The following TMEM132D variants were observed in gnomAD, a reference collection of about 807,000 sequenced individuals.
The protein encoded by TMEM132D is mature OL transmembrane protein.
Under a neutral mutation model 62.3 loss-of-function variants are expected in TMEM132D, and 21 were observed. The observed-to-expected ratio is 0.34, with a 90% CI of 0.24 to 0.49. TMEM132D has a LOEUF of 0.49. Among genes scored for constraint, TMEM132D ranks in the 20% least tolerant of loss-of-function variants. The pLI is 0.99. For synonymous variants in TMEM132D, 621 were observed against 575.6 expected (o/e 1.08, Z -1.13); for missense variants, 1,346 against 1,402.8 (o/e 0.96, Z 0.65).
In TMEM132D at chr12:129,901,171, A is replaced by G. The variant is rs531366980; in HGVS notation, c.79+2090T>C. On this transcript the variant is annotated intron_variant, in intron 1 of 8. Coordinates refer to ENST00000422113, the MANE Select transcript of TMEM132D (RefSeq NM_133448.3). The stretch of plus-strand genomic sequence containing the variant: ...ATGAGGCACTTTGGGGTATGTGTGT[A>G]TGTGTGTGTGTCTGTGTGTTTACTT... 3.3e-5 allele frequency among the ~76,000 whole-genome samples: 5 copies of G among 152,178 alleles called. No individual in the cohort carries two copies. In the East Asian group the frequency reaches 9.7e-4, roughly 29 times the overall value.
At chr12:129,614,407 C>T (rs188202114) in intron 2 of TMEM132D, among the ~76,000 whole-genome samples, 1 of 152,294 alleles carries the variant, frequency 6.6e-6, no homozygotes, top group African/African-American at 2.4e-5. Flanking sequence ...AACTCTTAGT[C>T]ATGAATGGCC....
intron 1 of TMEM132D, among the ~76,000 whole-genome samples, chr12:129,861,332 TG>T (rs1172904804): frequency 1.3e-5 from 2 of 152,206 alleles, no homozygotes; most frequent in Non-Finnish European, 2.9e-5. Flanking sequence ...AAGCTAACTT[TG>T]GGAGAAATTT....
chr12:129,128,141 C>G (rs1387872384), intron 5 of TMEM132D, among the ~76,000 whole-genome samples: 1 of 152,178 alleles, frequency 6.6e-6, no homozygotes, highest in Non-Finnish European at 1.5e-5. Context: ...GAGTTCACAA[C>G]TCTAGGCAAC....
intron 1 of TMEM132D, among the ~76,000 whole-genome samples, chr12:129,889,276 C>T (rs1874845210): frequency 1.3e-5 from 2 of 152,152 alleles, no homozygotes; most frequent in Admixed American, 6.5e-5. Context: ...TGTTCTTCTA[C>T]GTTCCCCAGT....
chr12:129,630,241 T>G (rs1035854803), intron 2 of TMEM132D, among the ~76,000 whole-genome samples: 7 of 152,172 alleles, frequency 4.6e-5, no homozygotes, highest in Non-Finnish European at 8.8e-5. Context: ...CGTGTGTGTT[T>G]GAGAAAAACA....
At chr12:129,606,690 A>C (rs960265818) in intron 2 of TMEM132D, among the ~76,000 whole-genome samples, 9 of 152,016 alleles carry the variant, frequency 5.9e-5, no homozygotes, top group Admixed American at 5.2e-4. Context: ...TAACAAAAAG[A>C]CACTAAGTTA....
intron 3 of TMEM132D, among the ~76,000 whole-genome samples, chr12:129,469,203 A>G (rs141944841): frequency 5.8e-4 from 88 of 152,318 alleles, no homozygotes; most frequent in Admixed American, 9.2e-4. Flanking sequence ...GTTTTCCGTT[A>G]GTGGAGCAGC....
chr12:129,746,848 G>A (rs1231680135), intron 1 of TMEM132D, among the ~76,000 whole-genome samples: 3 of 152,044 alleles, frequency 2.0e-5, no homozygotes, highest in South Asian at 2.1e-4. Flanking sequence ...AACTCTATCC[G>A]TGCAACTTGC....
intron 5 of TMEM132D, among the ~76,000 whole-genome samples, chr12:129,189,300 G>A (rs1371353623): frequency 6.6e-6 from 1 of 152,138 alleles, no homozygotes; most frequent in African/African-American, 2.4e-5. Flanking sequence ...GGCCATTATA[G>A]TACCAGATGC....
At chr12:129,582,698 A>G (rs531077154) in intron 2 of TMEM132D, among the ~76,000 whole-genome samples, 44 of 148,472 alleles carry the variant, frequency 3.0e-4, no homozygotes, top group Admixed American at 8.8e-4. Flanking sequence ...GGCTCACTGC[A>G]ACCTCCGCCT....
intron 4 of TMEM132D, among the ~76,000 whole-genome samples, chr12:129,294,354 A>G (rs558654517): frequency 6.6e-6 from 1 of 152,116 alleles, no homozygotes; most frequent in African/African-American, 2.4e-5. Flanking sequence ...AAAATCATCA[A>G]TTGCCTTCCC....
At position 129,134,154 on chromosome 12, in the gene TMEM132D, CTGTG is replaced by C. The variant is rs1244272796; in HGVS notation, c.1444-49456_1444-49453del. On this transcript the variant is annotated intron_variant, in intron 5 of 8. Transcript: ENST00000422113. The stretch of plus-strand genomic sequence containing the variant: ...TGTGTCTGTGTGTGTGTGTCTGTGT[CTGTG>C]TGTGTGTCTGTGTGTGTGTGTCTGT... Among the ~76,000 whole-genome samples the C allele has an allele frequency of 2.9e-3, 383 of 133,802 alleles. 3 individuals carry two copies. The highest frequency in any genetic ancestry group is 0.01 in the African/African-American group (342 of 32,848). The allele number at this position is 133,802 out of a possible 152,430, so 87.8% of individuals were successfully genotyped here.
chr12:129,319,823 A>G (rs528067182), intron 4 of TMEM132D, among the ~76,000 whole-genome samples: 80 of 152,332 alleles, frequency 5.3e-4, no homozygotes, highest in African/African-American at 1.7e-3. Flanking sequence ...GAGGAAATTG[A>G]TGGCATGCGA....
intron 3 of TMEM132D, among the ~76,000 whole-genome samples, chr12:129,436,029 C>T (rs1350071011): frequency 3.3e-5 from 5 of 152,190 alleles, no homozygotes; most frequent in Admixed American, 2.6e-4. Context: ...GATGACTCAA[C>T]TGACATGTGT....
chr12:129,791,055 T>A (rs913487505), intron 1 of TMEM132D, among the ~76,000 whole-genome samples: 1 of 152,246 alleles, frequency 6.6e-6, no homozygotes, highest in Non-Finnish European at 1.5e-5. Flanking sequence ...GTGACATATC[T>A]TTATTTCATT....
At chr12:129,250,572 G>A (rs1016651558) in intron 4 of TMEM132D, among the ~76,000 whole-genome samples, 1 of 152,214 alleles carries the variant, frequency 6.6e-6, no homozygotes, top group Non-Finnish European at 1.5e-5. Flanking sequence ...ATAAACAGCT[G>A]TGAGGACTTC....
intron 1 of TMEM132D, among the ~76,000 whole-genome samples, chr12:129,706,461 G>A (rs1175329786): frequency 6.6e-6 from 1 of 151,918 alleles, no homozygotes. Flanking sequence ...GATATTTTAT[G>A]CAAGTATATA....
At chr12:129,663,037 C>T (rs771688483) in intron 2 of TMEM132D, among the ~76,000 whole-genome samples, 3 of 152,248 alleles carry the variant, frequency 2.0e-5, no homozygotes, top group East Asian at 1.9e-4. Flanking sequence ...GACTTTCAGT[C>T]GCCTGGTCTG....
chr12:129,325,093 AG>A (rs762853293), intron 4 of TMEM132D, among the ~76,000 whole-genome samples: 1 of 152,180 alleles, frequency 6.6e-6, no homozygotes, highest in Non-Finnish European at 1.5e-5. Flanking sequence ...AAGTCTGCTC[AG>A]TTACAGACTT....
Sources: gnomAD v4.1 joint callset for allele counts (sites outside exome capture counted in the v4.1 genomes callset) on GRCh38, gnomAD v4.1.1 for gene constraint, MANE v1.5 for transcripts, NCBI Gene and HGNC (gene_info 2026-07-23, HGNC 2026-07-21) for gene names.